The following SH3BGRL variants were observed in gnomAD, a reference collection of about 807,000 sequenced individuals.
SH3BGRL encodes adapter SH3BGRL.
In SH3BGRL, 7 loss-of-function variants were observed where a neutral mutation model predicts 9.8. The ratio of observed to expected loss-of-function variants is 0.72; its 90% confidence interval spans 0.41 to 1.35. SH3BGRL has a LOEUF of 1.35. SH3BGRL is among the 40% of genes most tolerant of loss of function. The pLI, the probability that SH3BGRL is intolerant of heterozygous loss-of-function variation, is 0.01. For synonymous variants in SH3BGRL, 36 were observed against 29.1 expected (o/e 1.24, Z -0.76); for missense variants, 73 against 84.4 (o/e 0.86, Z 0.53).
chrX:81,222,346 C>G (rs1323009576), intron 1 of SH3BGRL, among the ~76,000 whole-genome samples: 3 of 88,053 alleles, frequency 3.4e-5, no homozygotes, highest in Non-Finnish European at 6.6e-5. Flanking sequence ...CAACAGGCCC[C>G]GGTGTGTGAT....
intron 1 of SH3BGRL, among the ~76,000 whole-genome samples, chrX:81,263,097 A>T (rs1269136675): frequency 9.1e-6 from 1 of 109,944 alleles, no homozygotes; most frequent in Non-Finnish European, 1.9e-5. Flanking sequence ...CACAGAGTAG[A>T]CCTGGAAGAA....
At chrX:81,265,967 A>G (rs912305615) in intron 1 of SH3BGRL, among the ~76,000 whole-genome samples, 8 of 111,903 alleles carry the variant, frequency 7.1e-5, no homozygotes, top group African/African-American at 2.3e-4. Flanking sequence ...ACATTTTTTC[A>G]TGTGTTTGTT....
intron 1 of SH3BGRL, among the ~76,000 whole-genome samples, chrX:81,257,004 A>G (rs2075727176): frequency 9.0e-6 from 1 of 111,504 alleles, no homozygotes; most frequent in Non-Finnish European, 1.9e-5. Flanking sequence ...TATTTAAAAT[A>G]CTAGCTACCA....
intron 1 of SH3BGRL, among the ~76,000 whole-genome samples, chrX:81,265,021 T>C (rs1221993707): frequency 4.6e-5 from 5 of 108,880 alleles, no homozygotes; most frequent in Non-Finnish European, 7.6e-5. Flanking sequence ...TTTTTTTTTT[T>C]TTTTTTACTG....
intron 1 of SH3BGRL, among the ~76,000 whole-genome samples, chrX:81,206,237 A>G (rs2075547701): frequency 1.8e-5 from 2 of 110,466 alleles, no homozygotes; most frequent in South Asian, 3.8e-4. Context: ...CCATTTGTCT[A>G]TTTTTACTTT....
chrX:81,282,396 G>T (rs1319266556), intron 3 of SH3BGRL, among the ~76,000 whole-genome samples: 1 of 111,561 alleles, frequency 9.0e-6, no homozygotes, highest in Admixed American at 9.5e-5. Flanking sequence ...ACAGCACATG[G>T]AACTTTCTCC....
intron 1 of SH3BGRL, among the ~76,000 whole-genome samples, chrX:81,223,025 T>G (rs2075605041): frequency 9.0e-6 from 1 of 111,312 alleles, no homozygotes; most frequent in Non-Finnish European, 1.9e-5. Context: ...GGGTTGTTTG[T>G]TTTTTTTCTT....
At chrX:81,265,413 A>G (rs1483986840) in intron 1 of SH3BGRL, among the ~76,000 whole-genome samples, 1 of 109,170 alleles carries the variant, frequency 9.2e-6, no homozygotes, top group Non-Finnish European at 1.9e-5. Context: ...CCTGTGTCCA[A>G]GTGTTCTCAT....
At chrX:81,247,768 C>CT (rs2075694005) in intron 1 of SH3BGRL, among the ~76,000 whole-genome samples, 2 of 110,303 alleles carry the variant, frequency 1.8e-5, no homozygotes, top group African/African-American at 3.3e-5. Flanking sequence ...CTGCAGTTTT[C>CT]TTTTTTTAGT....
At chrX:81,270,136 T>C (rs965424554) in intron 1 of SH3BGRL, among the ~76,000 whole-genome samples, 1 of 110,894 alleles carries the variant, frequency 9.0e-6, no homozygotes, top group Non-Finnish European at 1.9e-5. Flanking sequence ...TTTGTCAAGG[T>C]TTTTATCCTC....
chrX:81,290,759 G>A (rs1438850830), intron 3 of SH3BGRL, among the ~76,000 whole-genome samples: 4 of 110,757 alleles, frequency 3.6e-5, no homozygotes, highest in Admixed American at 9.6e-5. Flanking sequence ...AATACATATT[G>A]GAGTTATGGA....
At chrX:81,215,961 C>T (rs1039275258) in intron 1 of SH3BGRL, among the ~76,000 whole-genome samples, 16 of 111,864 alleles carry the variant, frequency 1.4e-4, no homozygotes, top group African/African-American at 4.2e-4. Flanking sequence ...CTGTTTCTAA[C>T]ATTTAGCCTG....
intron 1 of SH3BGRL, among the ~76,000 whole-genome samples, chrX:81,234,099 C>T (rs1187651914): frequency 1.8e-5 from 2 of 111,452 alleles, no homozygotes; most frequent in Non-Finnish European, 3.8e-5. Flanking sequence ...TTTACATAGT[C>T]TAGAATAGTC....
chrX:81,243,702 G>A (rs1451853306), intron 1 of SH3BGRL, among the ~76,000 whole-genome samples: 3 of 109,437 alleles, frequency 2.7e-5, no homozygotes, highest in Admixed American at 9.7e-5. Flanking sequence ...CCAACTATGT[G>A]CTCACAAAAA....
intron 1 of SH3BGRL, among the ~76,000 whole-genome samples, chrX:81,235,126 G>T (rs1378855513): frequency 9.0e-6 from 1 of 111,343 alleles, no homozygotes; most frequent in African/African-American, 3.3e-5. Context: ...AGGATTTAGA[G>T]ATAATGTTAT....
intron 1 of SH3BGRL, among the ~76,000 whole-genome samples, chrX:81,224,861 C>T (rs2075611795): frequency 9.0e-6 from 1 of 110,606 alleles, no homozygotes; most frequent in Non-Finnish European, 1.9e-5. Context: ...TTTTCCTCAA[C>T]TCTGGAGTTG....
intron 1 of SH3BGRL, among the ~76,000 whole-genome samples, chrX:81,272,916 G>A (rs1233204197): frequency 9.0e-6 from 1 of 111,601 alleles, no homozygotes; most frequent in Admixed American, 9.5e-5. Flanking sequence ...AGTTGACTGA[G>A]TCAGTCAAAA....
At chrX:81,244,926 C>T (rs1372110201) in intron 1 of SH3BGRL, among the ~76,000 whole-genome samples, 1 of 111,649 alleles carries the variant, frequency 9.0e-6, no homozygotes, top group Non-Finnish European at 1.9e-5. Context: ...GAAGAAAAAC[C>T]TAGAAGGTGT....
At chrX:81,281,812 A>G (rs1284717613) in intron 3 of SH3BGRL, among the ~76,000 whole-genome samples, 5 of 112,393 alleles carry the variant, frequency 4.4e-5, no homozygotes, top group Admixed American at 9.4e-5. Flanking sequence ...AAAGAGCACA[A>G]TGAATGCAAT....
Sources: allele counts gnomAD v4.1 joint callset (sites outside exome capture counted in the v4.1 genomes callset), GRCh38; gene constraint gnomAD v4.1.1; transcripts MANE v1.5; gene names NCBI Gene and HGNC (gene_info 2026-07-23, HGNC 2026-07-21).